OR2L13: variants seen among roughly 807,000 people sequenced by gnomAD.
The protein encoded by OR2L13 is olfactory receptor 2L13.
Under a neutral mutation model 15.3 loss-of-function variants are expected in OR2L13, and 14 were observed. The ratio of observed to expected loss-of-function variants is 0.91; its 90% CI spans 0.60 to 1.43. The LOEUF (loss-of-function observed/expected upper bound fraction) is 1.43. Ranked by LOEUF, OR2L13 falls within the 40% of genes most tolerant of loss-of-function variation. The probability of loss-of-function intolerance (pLI) is 0.00; values close to 1 mark genes in which losing one functional copy is unlikely to be tolerated. For synonymous variants in OR2L13, 152 were observed against 142.9 expected (o/e 1.06, Z -0.45); for missense variants, 367 against 387.9 (o/e 0.95, Z 0.45).
At chr1:248,071,140 T>C in the OR2L13 span, among the ~76,000 whole-genome samples, 2 of 152,108 alleles carry the variant, frequency 1.3e-5, no homozygotes, top group African/African-American at 4.8e-5. Context: ...GCCAACATCA[T>C]CCTGATACCA....
the OR2L13 span, among the ~76,000 whole-genome samples, chr1:248,035,916 C>G: frequency 1.2e-3 from 184 of 152,216 alleles, no homozygotes; most frequent in Non-Finnish European, 1.9e-3. Flanking sequence ...AATATATACT[C>G]TTGTAAATCC....
the OR2L13 span, among the ~76,000 whole-genome samples, chr1:248,033,051 G>T: frequency 6.6e-6 from 1 of 152,112 alleles, no homozygotes; most frequent in Admixed American, 6.5e-5. Flanking sequence ...TTTTAACATT[G>T]AGATGACTTT....
the OR2L13 span, among the ~76,000 whole-genome samples, chr1:248,067,035 C>G: frequency 6.6e-6 from 1 of 152,172 alleles, no homozygotes; most frequent in Non-Finnish European, 1.5e-5. Flanking sequence ...AGGGAGCAGT[C>G]ATTGGCTATG....
the OR2L13 span, among the ~76,000 whole-genome samples, chr1:247,970,966 T>G: frequency 0.036 from 5,451 of 152,284 alleles, 139 homozygotes; most frequent in Non-Finnish European, 0.05. Context: ...ATTTGTTGTT[T>G]GGGAGATGGC....
the OR2L13 span, chr1:248,038,447 C>T: frequency 6.2e-7 from 1 of 1,613,810 alleles, no homozygotes; most frequent in Non-Finnish European, 8.5e-7. Flanking sequence ...CTATGTATTT[C>T]CTACTTAGTC....
the OR2L13 span, among the ~76,000 whole-genome samples, chr1:247,983,028 A>G: frequency 6.6e-6 from 1 of 152,088 alleles, no homozygotes; most frequent in Non-Finnish European, 1.5e-5. Flanking sequence ...TATAATGTTT[A>G]TTTATATGTT....
the OR2L13 span, among the ~76,000 whole-genome samples, chr1:248,057,497 TC>T: frequency 6.6e-6 from 1 of 152,232 alleles, no homozygotes; most frequent in East Asian, 1.9e-4. Flanking sequence ...GGTAAATTTT[TC>T]TCTATTCCTT....
the OR2L13 span, among the ~76,000 whole-genome samples, chr1:247,963,150 C>T: frequency 6.6e-6 from 1 of 152,122 alleles, no homozygotes; most frequent in Non-Finnish European, 1.5e-5. Flanking sequence ...GGCAGAGTAG[C>T]AGCATGAGCT....
At chr1:248,055,979 T>C in the OR2L13 span, 45 of 152,228 alleles carry the variant, frequency 3.0e-4, no homozygotes, top group African/African-American at 1.1e-3. Context: ...GGATTCAAAT[T>C]CTTCCTGGTT....
At chr1:247,986,467 C>G in the OR2L13 span, among the ~76,000 whole-genome samples, 6 of 152,076 alleles carry the variant, frequency 3.9e-5, no homozygotes, top group African/African-American at 1.4e-4. Context: ...TTCCATTGGT[C>G]TATATCTCTG....
chr1:248,004,329 A>G, the OR2L13 span, among the ~76,000 whole-genome samples: 2 of 152,208 alleles, frequency 1.3e-5, no homozygotes, highest in Non-Finnish European at 2.9e-5. Flanking sequence ...GTTTGTTTTT[A>G]GTTATGCAGA....
chr1:248,040,876 T>C, the OR2L13 span: 1 of 152,166 alleles, frequency 6.6e-6, no homozygotes, highest in Non-Finnish European at 1.5e-5. Context: ...AACAAGAACA[T>C]TAACATTTGA....
chr1:247,983,890 G>A, the OR2L13 span, among the ~76,000 whole-genome samples: 5,911 of 152,268 alleles, frequency 0.039, 354 homozygotes, highest in African/African-American at 0.13. Flanking sequence ...TTCCCCTTTC[G>A]GGGCAGTAGG....
chr1:247,947,600 T>C, the OR2L13 span, among the ~76,000 whole-genome samples: 1 of 152,172 alleles, frequency 6.6e-6, no homozygotes, highest in Non-Finnish European at 1.5e-5. Flanking sequence ...CATAAAGCAA[T>C]GTGTAATGTT....
At chr1:247,995,583 A>G in the OR2L13 span, among the ~76,000 whole-genome samples, 29 of 152,280 alleles carry the variant, frequency 1.9e-4, no homozygotes, top group African/African-American at 7.0e-4. Flanking sequence ...ATAACAAAAT[A>G]TTTTCTATAT....
the OR2L13 span, among the ~76,000 whole-genome samples, chr1:247,968,701 T>G: frequency 6.6e-6 from 1 of 152,134 alleles, no homozygotes; most frequent in Non-Finnish European, 1.5e-5. Flanking sequence ...TGCATAGTAT[T>G]CCATGGTGTA....
chr1:247,965,931 A>C, the OR2L13 span: 5 of 1,611,008 alleles, frequency 3.1e-6, no homozygotes, highest in Admixed American at 1.7e-5. Context: ...CAGCTCTACT[A>C]TCATTGGTGT....
the OR2L13 span, among the ~76,000 whole-genome samples, chr1:248,080,600 C>T: frequency 7.2e-5 from 11 of 152,138 alleles, no homozygotes; most frequent in Non-Finnish European, 1.2e-4. Flanking sequence ...CTGCAAAGGA[C>T]GTAAACTCAT....
the OR2L13 span, among the ~76,000 whole-genome samples, chr1:247,967,969 C>T: frequency 6.6e-6 from 1 of 151,786 alleles, no homozygotes; most frequent in African/African-American, 2.4e-5. Flanking sequence ...CCTCATCCTC[C>T]TCCTCTCGTT....
Sources: allele counts gnomAD v4.1 joint callset (sites outside exome capture counted in the v4.1 genomes callset), GRCh38; gene constraint gnomAD v4.1.1; transcripts MANE v1.5; gene names NCBI Gene and HGNC (gene_info 2026-07-23, HGNC 2026-07-21).